AMPH: variants seen among roughly 807,000 people sequenced by gnomAD.
AMPH encodes the protein amphiphysin (Stiff-Mann syndrome with breast cancer 128kD autoantigen).
A neutral mutation model predicts 99.1 loss-of-function variants in AMPH; 49 were observed. That is an observed-to-expected ratio of 0.49 (90% confidence interval 0.39 to 0.63). The LOEUF (loss-of-function observed/expected upper bound fraction) is 0.63. AMPH is among the 20% of genes least tolerant of loss of function. AMPH has a pLI of 0.00. For synonymous variants in AMPH, 314 were observed against 317.3 expected, an observed-to-expected ratio of 0.99 and a Z score of 0.11; for missense variants, 759 against 863.4, an observed-to-expected ratio of 0.88 and a Z score of 1.52.
rs572182885 is a variant in AMPH at position 38,493,435 on chromosome 7, A to G, written c.300+998T>C. On this transcript the variant is annotated intron_variant, in intron 4 of 20. Transcript: ENST00000356264. ...AGAGGACATCCACACAAAGGCAATA[A>G]GTGTCTTATTAGTAGATACATTTTT... 2.0e-5 allele frequency among the ~76,000 whole-genome samples: 3 copies of G among 152,278 alleles called. No individual in the cohort carries two copies. The East Asian group carries it at 5.8e-4, about 29-fold the overall frequency.
intron 1 of AMPH, among the ~76,000 whole-genome samples, chr7:38,590,171 C>T (rs1341465952): frequency 6.6e-6 from 1 of 152,142 alleles, no homozygotes; most frequent in African/African-American, 2.4e-5. Context: ...AGTGTTATAG[C>T]TCTATTAGAA....
At position 38,497,764 on chromosome 7, in the gene AMPH, A is replaced by G. The variant is rs186851843; in HGVS notation, c.206-3237T>C. On this transcript the variant is annotated intron_variant, in intron 3 of 20. Transcript: ENST00000356264. ...GCCTCAAAGGAAAGCAAGAGTGGGC[A>G]TCTTTTTCTTAGATTCTTAAGGAGA... is the stretch of plus-strand genomic sequence containing the variant. Among the ~76,000 whole-genome samples the G allele has an allele frequency of 5.1e-4, 77 of 152,358 alleles. No individual in the cohort carries two copies. In the East Asian group the frequency reaches 0.015, roughly 29 times the overall value.
chr7:38,568,323 G>A (rs1242735962), intron 1 of AMPH, among the ~76,000 whole-genome samples: 2 of 152,138 alleles, frequency 1.3e-5, no homozygotes, highest in African/African-American at 4.8e-5. Context: ...AAATTAGCTG[G>A]GCATGGTGGT....
intron 2 of AMPH, among the ~76,000 whole-genome samples, chr7:38,532,890 C>T (rs928190788): frequency 6.6e-6 from 1 of 152,144 alleles, no homozygotes; most frequent in Non-Finnish European, 1.5e-5. Context: ...AGAAAAACTC[C>T]AAGAGCAAAG....
chr7:38,571,407 A>T (rs1264777410), intron 1 of AMPH, among the ~76,000 whole-genome samples: 4 of 87,410 alleles, frequency 4.6e-5, no homozygotes, highest in Non-Finnish European at 8.2e-5. Flanking sequence ...ATATATATAG[A>T]ATATATATAT....
chr7:38,505,400 A>C (rs951799589), intron 2 of AMPH, among the ~76,000 whole-genome samples: 2 of 152,238 alleles, frequency 1.3e-5, no homozygotes, highest in Non-Finnish European at 2.9e-5. Context: ...ACAAAAGCTT[A>C]GGATGAGTCC....
intron 1 of AMPH, among the ~76,000 whole-genome samples, chr7:38,622,105 T>C (rs1794091469): frequency 6.6e-6 from 1 of 152,202 alleles, no homozygotes; most frequent in South Asian, 2.1e-4. Flanking sequence ...ATTATGTAAA[T>C]GTTAGCCATT....
At chr7:38,600,996 C>A (rs898329704) in intron 1 of AMPH, among the ~76,000 whole-genome samples, 2 of 152,208 alleles carry the variant, frequency 1.3e-5, no homozygotes, top group African/African-American at 4.8e-5. Context: ...CTCATTATGC[C>A]AGTTCACATC....
intron 11 of AMPH, among the ~76,000 whole-genome samples, chr7:38,440,788 A>C (rs891738176): frequency 2.0e-5 from 3 of 152,144 alleles, no homozygotes; most frequent in Non-Finnish European, 2.9e-5. Flanking sequence ...ATAGCTAATA[A>C]GTAAATAAAG....
At chr7:38,438,733 G>A (rs1786388806) in intron 11 of AMPH, among the ~76,000 whole-genome samples, 1 of 152,024 alleles carries the variant, frequency 6.6e-6, no homozygotes, top group African/African-American at 2.4e-5. Context: ...TCTCTCCCTG[G>A]CCAATTAATT....
chr7:38,444,443 T>G (rs746487774), intron 11 of AMPH, among the ~76,000 whole-genome samples: 1 of 151,916 alleles, frequency 6.6e-6, no homozygotes, highest in Admixed American at 6.6e-5. Context: ...AGAGGAAAAT[T>G]TGGATATGTA....
At chr7:38,526,433 C>CT (rs33974810) in intron 2 of AMPH, among the ~76,000 whole-genome samples, 26,884 of 72,092 alleles carry the variant, frequency 0.37, 6,785 homozygotes, top group East Asian at 0.44. Context: ...CCATGCCCGG[C>CT]TTTTTTTTTT....
intron 17 of AMPH, among the ~76,000 whole-genome samples, chr7:38,411,325 A>G (rs1785210802): frequency 6.6e-6 from 1 of 152,218 alleles, no homozygotes; most frequent in Non-Finnish European, 1.5e-5. Context: ...ATTTCAGGAC[A>G]CACACAGTAG....
At chr7:38,432,893 T>A (rs6462840) in intron 12 of AMPH, among the ~76,000 whole-genome samples, 17 of 151,994 alleles carry the variant, frequency 1.1e-4, no homozygotes, top group African/African-American at 3.9e-4. Flanking sequence ...TACTGGTATT[T>A]TAATTATAAA....
intron 2 of AMPH, among the ~76,000 whole-genome samples, chr7:38,518,580 C>T (rs1470869058): frequency 6.6e-6 from 1 of 152,142 alleles, no homozygotes; most frequent in Non-Finnish European, 1.5e-5. Flanking sequence ...TCTCTTTCTT[C>T]TTGTCTATTT....
intron 19 of AMPH, among the ~76,000 whole-genome samples, chr7:38,390,391 A>G (rs1001490520): frequency 6.6e-6 from 1 of 152,172 alleles, no homozygotes; most frequent in Non-Finnish European, 1.5e-5. Flanking sequence ...AATGGCAACC[A>G]GTTTCTTTTC....
rs1785805969 is a variant in AMPH, at chr7:38,427,068, G to A, written c.1183-82C>T. 3 of 1,269,174 alleles carry A rather than the reference G, an allele frequency of 2.4e-6. No homozygotes were observed. In the Admixed American group the frequency reaches 5.4e-5, roughly 23 times the overall value. 78.6% of individuals were successfully genotyped at this position (1,269,174 alleles called of 1,614,324 possible). On this transcript the variant is annotated intron_variant, in intron 14 of 20. Coordinates refer to ENST00000356264, the MANE Select transcript of AMPH (RefSeq NM_001635.4). The stretch of plus-strand genomic sequence containing the variant: ...CCAGTAAATATCCATTAGACAAGTT[G>A]GAAAGTAAAGACTATCACAAGTTTT...
At chr7:38,544,703 GA>G (rs1790931286) in intron 1 of AMPH, among the ~76,000 whole-genome samples, 1 of 152,202 alleles carries the variant, frequency 6.6e-6, no homozygotes, top group African/African-American at 2.4e-5. Flanking sequence ...TAACTTGGTT[GA>G]GCCTCAGTTT....
At chr7:38,384,982 G>T in intron 20 of AMPH, 57 bp from the exon 21 acceptor site, 1 of 1,420,262 alleles carries the variant, frequency 7.0e-7, no homozygotes, top group Non-Finnish European at 9.9e-7. Flanking sequence ...AATCCACACT[G>T]CCACAATTAA....
Sources: allele counts gnomAD v4.1 joint callset (sites outside exome capture counted in the v4.1 genomes callset), GRCh38; gene constraint gnomAD v4.1.1; transcripts MANE v1.5; gene names NCBI Gene and HGNC (gene_info 2026-07-23, HGNC 2026-07-21).